The following MOCS1 variants were observed in gnomAD, a reference collection of about 807,000 sequenced individuals.
The protein encoded by MOCS1 is molybdenum cofactor synthesis 1.
Under a neutral mutation model 57.6 loss-of-function variants are expected in MOCS1, and 39 were observed. The ratio of observed to expected loss-of-function variants is 0.68; its 90% confidence interval spans 0.52 to 0.88. The LOEUF (loss-of-function observed/expected upper bound fraction) is 0.88, where lower values mean the gene tolerates loss of function less well. Ranked by LOEUF, MOCS1 falls within the 40% of genes least tolerant of loss-of-function variation. The probability of loss-of-function intolerance (pLI) is 0.00; values close to 1 mark genes in which losing one functional copy is unlikely to be tolerated. For synonymous variants in MOCS1, 334 were observed against 335.7 expected, an observed-to-expected ratio of 1.00 and a Z score of 0.05; for missense variants, 795 against 831.1, an observed-to-expected ratio of 0.96 and a Z score of 0.53.
intron 2 of MOCS1, 103 bp downstream of exon 2, chr6:39,927,226 G>A: frequency 6.9e-7 from 1 of 1,449,524 alleles, no homozygotes; most frequent in Non-Finnish European, 9.5e-7. Flanking sequence ...AAGTTAGAAA[G>A]CAGAACTGGA....
chr6:39,929,803 G>A (rs1292344852), intron 1 of MOCS1, among the ~76,000 whole-genome samples: 1 of 151,940 alleles, frequency 6.6e-6, no homozygotes, highest in Non-Finnish European at 1.5e-5. Context: ...TTAGCTGGCT[G>A]TGGTGGCGCG....
intron 3 of MOCS1, among the ~76,000 whole-genome samples, chr6:39,920,991 G>T (rs556073087): frequency 2.6e-5 from 4 of 151,478 alleles, no homozygotes; most frequent in South Asian, 2.1e-4. Flanking sequence ...AAAAAAAGGG[G>T]GGGGGACAGG....
chr6:39,918,076 G>A (rs928126389), intron 3 of MOCS1, among the ~76,000 whole-genome samples: 6 of 152,180 alleles, frequency 3.9e-5, no homozygotes, highest in African/African-American at 1.4e-4. Context: ...TTATTTATAG[G>A]TAAAATTTCT....
chr6:39,934,448 C>T lies in MOCS1; in HGVS notation c.-31G>A. ...CTGATACGAGCGGAACCGCAGCCCG[C>T]TTCGGGAGCACACTGGCCGGGCACT... On this transcript the variant is annotated 5_prime_UTR_variant, in exon 1 of 11. Transcript: ENST00000340692. 6.4e-7 allele frequency: 1 copy of T among 1,557,514 alleles called. No homozygotes were observed. The highest frequency in any genetic ancestry group is 8.6e-7 in the Non-Finnish European group (1 of 1,158,346).
intron 6 of MOCS1, 147 bp from the exon 7 acceptor site, chr6:39,913,151 G>A (rs1767440888): frequency 2.2e-6 from 2 of 903,408 alleles, no homozygotes; most frequent in Non-Finnish European, 3.7e-6. Flanking sequence ...CCTAAAACTG[G>A]TGGATTGAAT....
At chr6:39,911,166 T>TGCCA (rs529822120) in intron 8 of MOCS1, among the ~76,000 whole-genome samples, 36 of 152,334 alleles carry the variant, frequency 2.4e-4, no homozygotes, top group Admixed American at 2.1e-3. Flanking sequence ...TTCCATTTCC[T>TGCCA]GCCAAGACCT....
In MOCS1 at chr6:39,905,895, T is replaced by G. The variant is rs1050173640; in HGVS notation, c.*462A>C. On this transcript the variant is annotated 3_prime_UTR_variant, in exon 11 of 11. Coordinates refer to ENST00000340692, the MANE Select transcript of MOCS1 (RefSeq NM_001358530.2). ...CAGAGCTGCCGGGGAGAAGTTGGGA[T>G]CCATTCTTCAGGCAAGCTTGTGCTT... 2.1e-6 allele frequency: 1 copy of G among 468,742 alleles called. No homozygotes were observed. The allele number at this position is 468,742 out of a possible 1,614,324, so 29.0% of individuals were successfully genotyped here. A position where few individuals can be genotyped will look rare whatever the true frequency, so the allele number is the denominator to read the frequency against.
chr6:39,908,908 A>T, intron 10 of MOCS1, 147 bp downstream of exon 10: 1 of 747,958 alleles, frequency 1.3e-6, no homozygotes, highest in Non-Finnish European at 2.4e-6. Flanking sequence ...CTTGAAGGTT[A>T]AGAAGAGATG....
At chr6:39,933,251 G>A (rs962894006) in intron 1 of MOCS1, among the ~76,000 whole-genome samples, 4 of 152,136 alleles carry the variant, frequency 2.6e-5, no homozygotes, top group African/African-American at 7.2e-5. Flanking sequence ...TGGGGGGCTG[G>A]AGAAGAAAAG....
chr6:39,923,032 C>A (rs1341754973), intron 3 of MOCS1, among the ~76,000 whole-genome samples: 1 of 152,198 alleles, frequency 6.6e-6, no homozygotes, highest in Non-Finnish European at 1.5e-5. Flanking sequence ...AGAGTGCTCA[C>A]AGGCACAGCG....
chr6:39,913,432 G>A lies in MOCS1; in HGVS notation c.646-4C>T. ...CTCGCATCACCACACAGTTCACCTG[G>A]CCGGGGAACAATGGGACCATGAGGG... On this transcript the variant is annotated splice_region_variant and splice_polypyrimidine_tract_variant and intron_variant, in intron 5 of 10. Transcript: ENST00000340692. 6.2e-6 allele frequency: 10 copies of A among 1,613,330 alleles called. No homozygotes were observed. Among genetic ancestry groups the A allele is most frequent in the Non-Finnish European group, 8.5e-6 (10 of 1,179,264 alleles).
At position 39,912,389 on chromosome 6, in the gene MOCS1, G is replaced by A. The variant is rs1320330808; in HGVS notation, c.871-15C>T. ...ATTTTAAAGGCCTGGGCAGGGGAGA[G>A]TGGGAGCAAAAGGGCAGTGGAGGGG... On this transcript the variant is annotated splice_polypyrimidine_tract_variant and intron_variant, in intron 7 of 10. Transcript: ENST00000340692. The A allele has an allele frequency of 1.3e-6, 2 of 1,591,894 alleles. No homozygotes were observed. Among genetic ancestry groups the A allele is most frequent in the South Asian group, 1.1e-5 (1 of 90,610 alleles).
intron 8 of MOCS1, 22 bp downstream of exon 8, chr6:39,912,242 C>G (rs778634892): frequency 1.9e-6 from 3 of 1,567,854 alleles, no homozygotes; most frequent in Non-Finnish European, 2.6e-6. Context: ...CAAGGGGTCC[C>G]TGTGGAGGAG....
intron 1 of MOCS1, among the ~76,000 whole-genome samples, chr6:39,932,828 C>T (rs1411571415): frequency 6.6e-6 from 1 of 152,220 alleles, no homozygotes; most frequent in Non-Finnish European, 1.5e-5. Flanking sequence ...TACGTTAACT[C>T]TTTTAATCCC....
In MOCS1 at chr6:39,913,416, C is replaced by T; in HGVS notation, c.658G>A (p.Val220Met). 1 of 1,614,162 alleles carries T rather than the reference C, an allele frequency of 6.2e-7. No homozygotes were observed. The highest frequency in any genetic ancestry group is 8.5e-7 in the Non-Finnish European group (1 of 1,179,980). ...TCATCCTCGTTAAGGCCTCGCATCA[C>T]CACACAGTTCACCTGGCCGGGGAAC... The part of the protein sequence containing the change: ...GYNPVKVNCV[V>M]MRGLNEDELL... Residue 220 changes from valine to methionine, a missense_variant, in exon 6 of 11, where the codon GTG becomes ATG. Around this residue, in one of 3 missense-constraint regions of MOCS1, gnomAD observed 416 missense variants for 392.4 expected, o/e 1.06. Coordinates refer to ENST00000340692, the MANE Select transcript of MOCS1 (RefSeq NM_001358530.2).
At chr6:39,929,850 G>C (rs1768551122) in intron 1 of MOCS1, among the ~76,000 whole-genome samples, 2 of 146,074 alleles carry the variant, frequency 1.4e-5, no homozygotes, top group Middle Eastern at 3.7e-3. Flanking sequence ...GCTGAGGCAA[G>C]AGAATCGCTT....
chr6:39,913,363 C>G lies in MOCS1; in HGVS notation c.711G>C (p.Glu237Asp), dbSNP rs1238332925. Residue 237 changes from glutamate (E) to aspartate (D), a missense_variant, in exon 6 of 11, where the codon GAG (glutamate) becomes GAC (aspartate). Glu to Asp is a conservative substitution (Grantham distance 45). This residue lies in a region of MOCS1 where 416 missense variants were observed against 392.4 expected (regional missense o/e 1.06). Transcript: ENST00000340692. ...DELLDFAALT[E>D]GLPLDVRFIE... The stretch of plus-strand genomic sequence containing the variant: ...TGAAGCGCACATCCAGGGGGAGGCC[C>G]TCAGTCAAGGCCGCAAAGTCCAGGA... The G allele has an allele frequency of 1.9e-6, 3 of 1,614,090 alleles. No individual in the cohort carries two copies. Among genetic ancestry groups the G allele is most frequent in the Non-Finnish European group, 1.7e-6 (2 of 1,180,042 alleles).
chr6:39,916,385 G>T (rs1450178164), intron 3 of MOCS1, among the ~76,000 whole-genome samples, 153 bp from the exon 4 acceptor site: 3 of 152,204 alleles, frequency 2.0e-5, no homozygotes, highest in Non-Finnish European at 4.4e-5. Flanking sequence ...TAAAAAGAAA[G>T]CTAAGAATCA....
At position 39,915,981 on chromosome 6, in the gene MOCS1, C is replaced by A. The variant is rs1051381885; in HGVS notation, c.583+87G>T. 14 of 1,456,234 alleles carry A rather than the reference C, an allele frequency of 9.6e-6. No homozygotes were observed. In the Admixed American group the frequency reaches 2.2e-4, roughly 22 times the overall value. The allele number at this position is 1,456,234 out of a possible 1,614,324, so 90.2% of individuals were successfully genotyped here. The stretch of plus-strand genomic sequence containing the variant: ...TAGCCCAGACACCAAGAGGAAGTGA[C>A]CAGGCCCCTGGCTCAGCAATGGCCA... On this transcript the variant is annotated intron_variant, in intron 4 of 10. Coordinates refer to ENST00000340692, the MANE Select transcript of MOCS1 (RefSeq NM_001358530.2).
Sources: gnomAD v4.1 joint callset for allele counts (sites outside exome capture counted in the v4.1 genomes callset) on GRCh38, gnomAD v4.1.1 for gene constraint, gnomAD v4.1.1 regional missense constraint, MANE v1.5 for transcripts, NCBI Gene and HGNC (gene_info 2026-07-23, HGNC 2026-07-21) for gene names.